CNBD1: variants seen among roughly 807,000 people sequenced by gnomAD.
CNBD1 encodes cyclic nucleotide-binding domain-containing protein 1.
CNBD1 carries 71 observed loss-of-function variants against 54.4 expected under a neutral mutation model. That is an observed-to-expected ratio of 1.30 (90% CI 1.08 to 1.59). The LOEUF (loss-of-function observed/expected upper bound fraction) is 1.59. Ranked by LOEUF, CNBD1 falls within the 40% of genes most tolerant of loss-of-function variation. The pLI is 0.00. For synonymous variants in CNBD1, 182 were observed against 170.7 expected (o/e 1.07, Z -0.51); for missense variants, 659 against 518.0 (o/e 1.27, Z -2.64).
intron 8 of CNBD1, among the ~76,000 whole-genome samples, chr8:87,303,976 G>A (rs1231648165): frequency 1.3e-5 from 2 of 152,090 alleles, no homozygotes; most frequent in African/African-American, 2.4e-5. Context: ...TCATTAAAAA[G>A]TCAGGAAACA....
intron 8 of CNBD1, among the ~76,000 whole-genome samples, chr8:87,311,006 A>T (rs1238028595): frequency 1.3e-5 from 2 of 152,146 alleles, no homozygotes; most frequent in Non-Finnish European, 2.9e-5. Context: ...CCTAGGAGAA[A>T]ACCTAGGAAA....
intron 4 of CNBD1, among the ~76,000 whole-genome samples, chr8:87,044,125 T>C (rs1457941691): frequency 1.3e-5 from 2 of 152,232 alleles, no homozygotes; most frequent in Non-Finnish European, 2.9e-5. Flanking sequence ...CAAAATTTTA[T>C]TTTGGTTTTC....
intron 8 of CNBD1, among the ~76,000 whole-genome samples, chr8:87,349,178 C>T (rs1453920986): frequency 1.3e-5 from 2 of 151,928 alleles, no homozygotes; most frequent in Non-Finnish European, 2.9e-5. Context: ...TGTTATTTGT[C>T]ATTTTCTATA....
chr8:87,175,609 T>C (rs1329234582), intron 4 of CNBD1, among the ~76,000 whole-genome samples: 1 of 152,158 alleles, frequency 6.6e-6, no homozygotes, highest in African/African-American at 2.4e-5. Context: ...AGCAAGACAA[T>C]AGTCTTCTTT....
At chr8:87,362,460 C>G (rs544548125) in intron 10 of CNBD1, among the ~76,000 whole-genome samples, 1 of 152,166 alleles carries the variant, frequency 6.6e-6, no homozygotes, top group Non-Finnish European at 1.5e-5. Flanking sequence ...AAAAATTTAG[C>G]AAGGGAGTTT....
chr8:86,942,559 C>T (rs866221060), intron 4 of CNBD1, among the ~76,000 whole-genome samples: 1 of 152,336 alleles, frequency 6.6e-6, no homozygotes, highest in Middle Eastern at 3.4e-3. Flanking sequence ...TCCCTAGATC[C>T]TTGCCATGTG....
intron 5 of CNBD1, among the ~76,000 whole-genome samples, chr8:87,224,926 T>A (rs1489693609): frequency 6.6e-6 from 1 of 152,162 alleles, no homozygotes; most frequent in African/African-American, 2.4e-5. Flanking sequence ...CATTGAGCAG[T>A]GGTTTGTAAT....
intron 6 of CNBD1, among the ~76,000 whole-genome samples, chr8:87,261,673 T>C (rs1041642063): frequency 8.5e-5 from 13 of 152,236 alleles, no homozygotes; most frequent in African/African-American, 1.2e-4. Context: ...ATTATGGCCA[T>C]TGGGATTGGC....
intron 4 of CNBD1, among the ~76,000 whole-genome samples, chr8:86,990,300 T>C (rs1044059567): frequency 1.3e-5 from 2 of 152,208 alleles, no homozygotes; most frequent in African/African-American, 2.4e-5. Context: ...GTTTCTCCAA[T>C]GCTTTCCTGT....
chr8:87,047,711 A>G (rs1328405146), intron 4 of CNBD1, among the ~76,000 whole-genome samples: 1 of 152,176 alleles, frequency 6.6e-6, no homozygotes, highest in Non-Finnish European at 1.5e-5. Flanking sequence ...GTAGTTAATG[A>G]TTTCCATCTG....
chr8:87,294,247 A>C (rs1273419667), intron 8 of CNBD1, among the ~76,000 whole-genome samples: 1 of 151,948 alleles, frequency 6.6e-6, no homozygotes, highest in South Asian at 2.1e-4. Flanking sequence ...TGTTTTCATT[A>C]TTTGGGAGTA....
intron 8 of CNBD1, among the ~76,000 whole-genome samples, chr8:87,350,245 T>C (rs1419504309): frequency 6.6e-6 from 1 of 152,112 alleles, no homozygotes; most frequent in Non-Finnish European, 1.5e-5. Context: ...TTTAATATCA[T>C]TTTCTGCTGT....
At chr8:87,192,784 A>G (rs1227960105) in intron 4 of CNBD1, among the ~76,000 whole-genome samples, 3 of 152,082 alleles carry the variant, frequency 2.0e-5, no homozygotes, top group African/African-American at 7.2e-5. Context: ...CAACTGACCT[A>G]CCTGTCCATT....
intron 6 of CNBD1, among the ~76,000 whole-genome samples, chr8:87,253,036 TAGGC>T (rs1807941235): frequency 6.6e-6 from 1 of 152,022 alleles, no homozygotes; most frequent in South Asian, 2.1e-4. Context: ...CAATGAATAA[TAGGC>T]AGGTCTAGAG....
At position 86,895,291 on chromosome 8, in the gene CNBD1, T is replaced by G. The variant is rs1808834052; in HGVS notation, c.158+7680T>G. ...GTGTGTGTGTGTGTGTTTGGCTTGA[T>G]AGCTCATTCCTTTTATTGCTGAATA... On this transcript the variant is annotated intron_variant, in intron 2 of 10. Transcript: ENST00000518476. 2.6e-5 allele frequency among the ~76,000 whole-genome samples: 4 copies of G among 152,036 alleles called. No homozygotes were observed. In the South Asian group the frequency reaches 8.3e-4, roughly 31 times the overall value.
At chr8:86,969,195 G>A (rs1808163762) in intron 4 of CNBD1, among the ~76,000 whole-genome samples, 1 of 151,552 alleles carries the variant, frequency 6.6e-6, no homozygotes, top group Non-Finnish European at 1.5e-5. Context: ...TAAATGTTAT[G>A]TTTGCTTTAT....
chr8:87,369,068 T>A (rs1012313236), intron 10 of CNBD1, among the ~76,000 whole-genome samples: 8 of 152,000 alleles, frequency 5.3e-5, no homozygotes, highest in Admixed American at 3.9e-4. Context: ...AACTCAATAA[T>A]TTTTTTAATC....
At chr8:86,906,958 T>C (rs538931456) in intron 3 of CNBD1, among the ~76,000 whole-genome samples, 102 of 152,304 alleles carry the variant, frequency 6.7e-4, no homozygotes, top group Non-Finnish European at 1.2e-3. Context: ...TTAAGATTTG[T>C]TTAAGTGTCT....
intron 4 of CNBD1, among the ~76,000 whole-genome samples, chr8:87,054,499 T>C (rs1335254728): frequency 6.6e-6 from 1 of 152,218 alleles, no homozygotes; most frequent in Admixed American, 6.5e-5. Flanking sequence ...AGACAGCAAT[T>C]CCTTGAAATA....
Sources: gnomAD v4.1 joint callset for allele counts (sites outside exome capture counted in the v4.1 genomes callset) on GRCh38, gnomAD v4.1.1 for gene constraint, MANE v1.5 for transcripts, NCBI Gene and HGNC (gene_info 2026-07-23, HGNC 2026-07-21) for gene names.